Variants in HERC6 observed in about 807,000 individuals in gnomAD.
The protein encoded by HERC6 is probable E3 ubiquitin-protein ligase HERC6.
Under a neutral mutation model 114.5 loss-of-function variants are expected in HERC6, and 101 were observed. The ratio of observed to expected loss-of-function variants is 0.88; its 90% CI spans 0.75 to 1.04. The LOEUF is 1.04. HERC6 is among the 50% of genes least tolerant of loss of function. The pLI is 0.00. For missense variants in HERC6, 1,133 were observed against 1,230.9 expected (o/e 0.92, Z 1.19); for synonymous variants, 408 against 436.2 (o/e 0.94, Z 0.81).
intron 3 of HERC6, among the ~76,000 whole-genome samples, chr4:88,388,433 C>G (rs1486495032): frequency 6.6e-6 from 1 of 151,894 alleles, no homozygotes; most frequent in Non-Finnish European, 1.5e-5. Flanking sequence ...TACCTGCAAT[C>G]CTAGCTACTT....
chr4:88,385,231 T>G lies in HERC6; in HGVS notation c.360-268T>G, dbSNP rs947314690. ...TAGGCTATTAAGTGTAGAATAAAAT[T>G]AGTATATTAGATATTGCATTAAAGT... On this transcript the variant is annotated intron_variant, in intron 2 of 22. Coordinates refer to ENST00000264346, the MANE Select transcript of HERC6 (RefSeq NM_017912.4). Among the ~76,000 whole-genome samples, 5 of 152,220 alleles carry G rather than the reference T, an allele frequency of 3.3e-5. 1 individual carries two copies. The highest frequency in any genetic ancestry group is 3.3e-4 in the Admixed American group (5 of 15,278).
chr4:88,393,615 TC>T, intron 5 of HERC6, 33 bp downstream of exon 5: 1 of 1,361,862 alleles, frequency 7.3e-7, no homozygotes, highest in Non-Finnish European at 1.0e-6. Context: ...TTTTTTGAGT[TC>T]CAGAGAAATG....
At chr4:88,389,975 G>A (rs572572178) in intron 3 of HERC6, among the ~76,000 whole-genome samples, 14 of 152,002 alleles carry the variant, frequency 9.2e-5, no homozygotes, top group South Asian at 2.1e-4. Flanking sequence ...TCAGGAGTTC[G>A]ACATCAACCT....
rs577683714 is a variant in HERC6, at chr4:88,393,086, T to C, written c.665-402T>C. On this transcript the variant is annotated intron_variant, in intron 4 of 22. Transcript: ENST00000264346. Reference sequence around the variant, plus strand: ...AAATGAATACAACAGATGGCAGTAGTATCAGGCATGAGGGTCTTGAAGCTT... The same window carrying C: ...AAATGAATACAACAGATGGCAGTAGCATCAGGCATGAGGGTCTTGAAGCTT... 3.2e-4 allele frequency among the ~76,000 whole-genome samples: 48 copies of C among 152,258 alleles called. No individual in the cohort carries two copies. The East Asian group carries it at 7.9e-3, about 25-fold the overall frequency.
intron 12 of HERC6, 149 bp from the exon 13 acceptor site, chr4:88,417,276 G>A: frequency 1.3e-6 from 1 of 781,018 alleles, no homozygotes. Context: ...TAACTGTTGT[G>A]CAGGATATAC....
intron 12 of HERC6, among the ~76,000 whole-genome samples, chr4:88,416,463 G>A (rs1374186324): frequency 1.3e-5 from 2 of 151,872 alleles, no homozygotes; most frequent in East Asian, 3.9e-4. Flanking sequence ...TTACTTTGTG[G>A]TATTTTTGCT....
At chr4:88,435,015 G>A (rs571785698) in intron 17 of HERC6, among the ~76,000 whole-genome samples, 5 of 152,244 alleles carry the variant, frequency 3.3e-5, no homozygotes, top group Admixed American at 6.5e-5. Context: ...AGAATATTAC[G>A]TGAGTGGCCC....
intron 9 of HERC6, 154 bp downstream of exon 9, chr4:88,405,151 T>C (rs973582687): frequency 2.3e-6 from 2 of 868,448 alleles, no homozygotes; most frequent in Admixed American, 2.9e-5. Flanking sequence ...AGGTCATCAG[T>C]GTACTCATTT....
chr4:88,424,055 T>G, intron 14 of HERC6, 82 bp downstream of exon 14: 1 of 658,956 alleles, frequency 1.5e-6, no homozygotes, highest in Non-Finnish European at 2.5e-6. Flanking sequence ...AGGTACTCTT[T>G]GATAAATCAG....
intron 22 of HERC6, 193 bp downstream of exon 22, chr4:88,440,443 A>G: frequency 1.9e-6 from 1 of 532,654 alleles, no homozygotes; most frequent in East Asian, 3.0e-5. Context: ...TAATAGGCGA[A>G]AAGAGAATAG....
chr4:88,423,067 T>G (rs1196299530), intron 13 of HERC6, among the ~76,000 whole-genome samples: 2 of 151,954 alleles, frequency 1.3e-5, no homozygotes, highest in African/African-American at 4.8e-5. Flanking sequence ...GGTTTTTTTT[T>G]TTGTTTTTTT....
In HERC6 at chr4:88,406,525, T is replaced by C. The variant is rs144362777; in HGVS notation, c.1274+912T>C. 2.7e-4 allele frequency among the ~76,000 whole-genome samples: 41 copies of C among 152,310 alleles called. No individual in the cohort carries two copies. In the East Asian group the frequency reaches 6.2e-3, roughly 23 times the overall value. On this transcript the variant is annotated intron_variant, in intron 10 of 22. Coordinates refer to ENST00000264346, the MANE Select transcript of HERC6 (RefSeq NM_017912.4). ...ACCTAAGGCTAATTCTTACTGCATGTGGGAAAATCTTTTCTATGTGAAGAT... is the reference window on the plus strand; with the variant it reads ...ACCTAAGGCTAATTCTTACTGCATGCGGGAAAATCTTTTCTATGTGAAGAT...
In HERC6 at chr4:88,431,310, GTCTTT is replaced by G. The variant is rs759474906; in HGVS notation, c.2250+12_2250+16del. On this transcript the variant is annotated splice_donor_region_variant and intron_variant, in intron 17 of 22. Transcript: ENST00000264346. ...TGCATGTGGTTTCCTGCCAAGGTAA[GTCTTT>G]TCTTTTTTTTTTTTCCCCCAGAACA... 2.2e-4 allele frequency: 345 copies of G among 1,582,380 alleles called. No individual in the cohort carries two copies. The Middle Eastern group carries it at 2.4e-3, about 11-fold the overall frequency.
intron 2 of HERC6, among the ~76,000 whole-genome samples, chr4:88,383,862 C>T (rs189297574): frequency 5.3e-5 from 8 of 149,718 alleles, no homozygotes; most frequent in Admixed American, 4.7e-4. Context: ...AGGAAAAAAC[C>T]TACAACACCA....
At chr4:88,386,702 A>T (rs879567677) in intron 3 of HERC6, among the ~76,000 whole-genome samples, 2 of 152,192 alleles carry the variant, frequency 1.3e-5, no homozygotes, top group Non-Finnish European at 2.9e-5. Flanking sequence ...TTTTAGTAAG[A>T]TTCGTTTCTG....
rs777517984 is a variant in HERC6 at position 88,393,576 on chromosome 4, T to C, written c.753T>C (p.Leu251=). ...ISCGDAHTAV[L]TQDGKVFTFG... is the part of the protein sequence containing the mutation. ...GTGGTGATGCACACACTGCGGTGCT[T>C]ACCCAGGTAATCCAAAACGTGTTGC... is the stretch of plus-strand genomic sequence containing the variant. Residue 251 remains leucine, a synonymous_variant, in exon 5 of 23, where the codon CTT becomes CTC. Coordinates refer to ENST00000264346, the MANE Select transcript of HERC6 (RefSeq NM_017912.4). 2.5e-6 allele frequency: 4 copies of C among 1,605,614 alleles called. 1 individual carries two copies. In the South Asian group the frequency reaches 4.4e-5, roughly 18 times the overall value.
chr4:88,403,830 A>G (rs540631917), intron 8 of HERC6, among the ~76,000 whole-genome samples: 35 of 152,084 alleles, frequency 2.3e-4, no homozygotes, highest in Non-Finnish European at 4.9e-4. Context: ...TTATCTTTTT[A>G]TTTATTGTGG....
chr4:88,383,053 C>G, intron 1 of HERC6, 168 bp from the exon 2 acceptor site: 1 of 744,718 alleles, frequency 1.3e-6, no homozygotes, highest in Middle Eastern at 4.0e-4. Context: ...ATTGAATTTA[C>G]TTCCTTCAGA....
chr4:88,385,729 T>A (rs1241414083), intron 3 of HERC6, among the ~76,000 whole-genome samples, 154 bp downstream of exon 3: 1 of 152,220 alleles, frequency 6.6e-6, no homozygotes, highest in African/African-American at 2.4e-5. Context: ...TTTCTCAAAT[T>A]TCTTGGTCCT....
Sources: allele counts gnomAD v4.1 joint callset (sites outside exome capture counted in the v4.1 genomes callset), GRCh38; gene constraint gnomAD v4.1.1; transcripts MANE v1.5; gene names NCBI Gene and HGNC (gene_info 2026-07-23, HGNC 2026-07-21).